NRXN1: variants seen among roughly 807,000 people sequenced by gnomAD.
NRXN1 encodes neurexin 1.
A neutral mutation model predicts 150.9 loss-of-function variants in NRXN1; 39 were observed. The observed-to-expected ratio is 0.26, with a 90% CI of 0.20 to 0.34. The LOEUF (loss-of-function observed/expected upper bound fraction) is 0.34, where lower values mean the gene tolerates loss of function less well. Ranked by LOEUF, NRXN1 falls within the 10% of genes least tolerant of loss-of-function variation. NRXN1 has a pLI of 1.00. For missense variants in NRXN1, 1,815 were observed against 1,949.9 expected, an observed-to-expected ratio of 0.93 and a Z score of 1.30; for synonymous variants, 924 against 757.0, an observed-to-expected ratio of 1.22 and a Z score of -3.62.
chr2:50,635,406 C>G (rs1683091930), intron 5 of NRXN1, among the ~76,000 whole-genome samples: 2 of 151,586 alleles, frequency 1.3e-5, no homozygotes, highest in Admixed American at 6.6e-5. Context: ...AGCTCCCGAC[C>G]TTGTGATCTG....
chr2:50,124,159 C>T (rs1379231568), intron 18 of NRXN1, among the ~76,000 whole-genome samples: 3 of 152,068 alleles, frequency 2.0e-5, no homozygotes, highest in Non-Finnish European at 2.9e-5. Flanking sequence ...GTCAAGTGAA[C>T]AAGTGTTTTG....
At chr2:50,210,835 A>G (rs2062964071) in intron 18 of NRXN1, among the ~76,000 whole-genome samples, 1 of 151,534 alleles carries the variant, frequency 6.6e-6, no homozygotes, top group South Asian at 2.1e-4. Flanking sequence ...GTTTATATCA[A>G]GATCTTTCAA....
chr2:49,994,920 C>G (rs931330586), intron 21 of NRXN1, among the ~76,000 whole-genome samples: 7 of 152,172 alleles, frequency 4.6e-5, no homozygotes, highest in East Asian at 1.9e-4. Flanking sequence ...TCTGTCACAC[C>G]AGTGCCTCAC....
chr2:50,366,269 C>A (rs941692489), intron 17 of NRXN1, among the ~76,000 whole-genome samples: 1 of 150,632 alleles, frequency 6.6e-6, no homozygotes, highest in Non-Finnish European at 1.5e-5. Flanking sequence ...TGTAATAAGA[C>A]TCAGATCCAG....
intron 17 of NRXN1, among the ~76,000 whole-genome samples, chr2:50,274,342 C>T (rs944403511): frequency 1.3e-5 from 2 of 152,034 alleles, no homozygotes; most frequent in African/African-American, 4.8e-5. Flanking sequence ...TGGGATTGAA[C>T]AATGAGAACA....
intron 17 of NRXN1, among the ~76,000 whole-genome samples, chr2:50,377,510 T>C (rs1399262178): frequency 6.6e-6 from 1 of 152,182 alleles, no homozygotes. Context: ...TTGATGGGCA[T>C]TTTGATTGAT....
intron 9 of NRXN1, among the ~76,000 whole-genome samples, chr2:50,544,608 T>C (rs571381242): frequency 6.6e-5 from 10 of 152,224 alleles, no homozygotes; most frequent in African/African-American, 2.4e-4. Flanking sequence ...ATGTCTGGTA[T>C]TGGCAAGAAT....
chr2:50,941,898 C>G (rs755934135), intron 2 of NRXN1, among the ~76,000 whole-genome samples: 1 of 152,078 alleles, frequency 6.6e-6, no homozygotes, highest in Non-Finnish European at 1.5e-5. Flanking sequence ...ATAGCCAAGA[C>G]AATAAGGAAA....
intron 19 of NRXN1, among the ~76,000 whole-genome samples, chr2:50,071,019 A>G (rs1032488791): frequency 2.0e-5 from 3 of 152,198 alleles, no homozygotes; most frequent in African/African-American, 7.2e-5. Flanking sequence ...TAAAAACTAC[A>G]AAGATATCCT....
intron 17 of NRXN1, among the ~76,000 whole-genome samples, chr2:50,385,380 G>C (rs1312128865): frequency 6.6e-6 from 1 of 152,188 alleles, no homozygotes; most frequent in Non-Finnish European, 1.5e-5. Flanking sequence ...TCACAGCATA[G>C]TTAACTTACT....
intron 18 of NRXN1, among the ~76,000 whole-genome samples, chr2:50,219,122 T>C (rs1454552308): frequency 1.3e-5 from 2 of 152,058 alleles, no homozygotes; most frequent in Non-Finnish European, 2.9e-5. Context: ...GTTTTCATTA[T>C]ATTCAAACAG....
chr2:50,021,939 T>C (rs1687635383), intron 21 of NRXN1, among the ~76,000 whole-genome samples: 1 of 152,266 alleles, frequency 6.6e-6, no homozygotes, highest in East Asian at 1.9e-4. Context: ...CAACCTCCAC[T>C]TCCAGGGTTC....
At chr2:50,362,824 C>A (rs1460350142) in intron 17 of NRXN1, among the ~76,000 whole-genome samples, 1 of 152,170 alleles carries the variant, frequency 6.6e-6, no homozygotes. Context: ...AGAGGCATCA[C>A]GCTACCTGAC....
intron 17 of NRXN1, among the ~76,000 whole-genome samples, chr2:50,429,700 A>G: frequency 6.6e-6 from 1 of 152,258 alleles, no homozygotes; most frequent in Middle Eastern, 3.4e-3. Context: ...ATTATCCATA[A>G]TTTTGTATGT....
At chr2:50,717,701 T>G (rs1207325036) in intron 5 of NRXN1, among the ~76,000 whole-genome samples, 1 of 152,170 alleles carries the variant, frequency 6.6e-6, no homozygotes, top group Non-Finnish European at 1.5e-5. Flanking sequence ...CAGTACAGGA[T>G]GCTGAAGGGT....
At chr2:50,621,045 T>G in intron 7 of NRXN1, 181 bp downstream of exon 7, 1 of 533,086 alleles carries the variant, frequency 1.9e-6, no homozygotes, top group Non-Finnish European at 3.3e-6. Context: ...CAGGAACAGG[T>G]AAAAAATAAG....
intron 5 of NRXN1, among the ~76,000 whole-genome samples, chr2:50,781,083 G>A (rs1252141903): frequency 6.6e-6 from 1 of 152,172 alleles, no homozygotes; most frequent in Non-Finnish European, 1.5e-5. Flanking sequence ...AGCAAAAGCA[G>A]CAGCCAGAGT....
At position 50,987,307 on chromosome 2, in the gene NRXN1, A is replaced by T. The variant is rs565878945; in HGVS notation, c.772+40195T>A. Among the ~76,000 whole-genome samples, 43 of 151,992 alleles carry T rather than the reference A, an allele frequency of 2.8e-4. No individual in the cohort carries two copies. The East Asian group carries it at 3.7e-3, about 13-fold the overall frequency. ...GTATTAACAATAAAATAAAGATTGC[A>T]CCCCACAAATCTGGATGATGTTGAA... On this transcript the variant is annotated intron_variant, in intron 2 of 22. Transcript: ENST00000401669.
chr2:50,004,377 G>C (rs943972600), intron 21 of NRXN1, among the ~76,000 whole-genome samples: 1 of 152,156 alleles, frequency 6.6e-6, no homozygotes, highest in East Asian at 1.9e-4. Flanking sequence ...GGTATATATA[G>C]AGAGAGTGGA....
Sources: gnomAD v4.1 joint callset for allele counts (sites outside exome capture counted in the v4.1 genomes callset) on GRCh38, gnomAD v4.1.1 for gene constraint, MANE v1.5 for transcripts, NCBI Gene and HGNC (gene_info 2026-07-23, HGNC 2026-07-21) for gene names.